The following CALD1 variants were observed in gnomAD, a reference collection of about 807,000 sequenced individuals.
The protein encoded by CALD1 is caldesmon.
In CALD1, 33 loss-of-function variants were observed where a neutral mutation model predicts 99.9. The observed-to-expected ratio is 0.33, with a 90% confidence interval of 0.25 to 0.44. The LOEUF (loss-of-function observed/expected upper bound fraction) is 0.44. CALD1 is among the 20% of genes least tolerant of loss of function. The pLI is 1.00. For synonymous variants in CALD1, 310 were observed against 325.0 expected (o/e 0.95, Z 0.50); for missense variants, 861 against 962.1 (o/e 0.89, Z 1.39).
At chr7:134,720,669 C>T in the CALD1 span, among the ~76,000 whole-genome samples, 2 of 152,086 alleles carry the variant, frequency 1.3e-5, no homozygotes, top group African/African-American at 2.4e-5. Context: ...GGAAAACAAA[C>T]GCTTAACATG....
chr7:134,875,828 G>T (rs2132387556), intron 3 of CALD1, among the ~76,000 whole-genome samples: 1 of 152,282 alleles, frequency 6.6e-6, no homozygotes, highest in South Asian at 2.1e-4. Flanking sequence ...TGTTTTGTTT[G>T]CCCTCAGAAA....
chr7:134,867,788 C>G lies in CALD1; in HGVS notation c.55C>G (p.Arg19Gly). The G allele has an allele frequency of 3.1e-6, 5 of 1,602,076 alleles. No homozygotes were observed. The highest frequency in any genetic ancestry group is 4.3e-6 in the Non-Finnish European group (5 of 1,170,888). The change falls in exon 3 of 15, where the codon CGA becomes GGA. Residue 19 changes from arginine (R) to glycine (G), a missense_variant. Physicochemically the swap from Arg to Gly is moderately radical, Grantham distance 125. Coordinates refer to ENST00000361675, the MANE Select transcript of CALD1 (RefSeq NM_033138.4). ...ELRRQKREEM[R>G]LEAERIAYQR... Reference sequence around the variant, plus strand: ...TAGAAGGCAAAAGAGGGAGGAGATGCGACTCGAAGCAGAAAGGTAAGGATC... The same window carrying G: ...TAGAAGGCAAAAGAGGGAGGAGATGGGACTCGAAGCAGAAAGGTAAGGATC...
intron 1 of CALD1, among the ~76,000 whole-genome samples, chr7:134,836,363 A>G (rs2132112035): frequency 6.6e-6 from 1 of 152,224 alleles, no homozygotes; most frequent in Middle Eastern, 3.4e-3. Context: ...ATACATAAAA[A>G]TTAAGTGCAC....
chr7:134,924,032 CATT>C (rs915867270), intron 3 of CALD1, among the ~76,000 whole-genome samples: 29 of 152,218 alleles, frequency 1.9e-4, no homozygotes, highest in African/African-American at 6.7e-4. Flanking sequence ...TCCATGTAAT[CATT>C]ATGTATGTGT....
intron 3 of CALD1, among the ~76,000 whole-genome samples, chr7:134,878,398 T>G (rs1438069398): frequency 6.6e-6 from 1 of 151,462 alleles, no homozygotes; most frequent in African/African-American, 2.4e-5. Context: ...GTGAAACCTC[T>G]TCTCTACTAA....
the CALD1 span, among the ~76,000 whole-genome samples, chr7:134,729,962 C>T: frequency 1.3e-5 from 2 of 152,110 alleles, no homozygotes; most frequent in Non-Finnish European, 2.9e-5. Flanking sequence ...TCTGTGGACC[C>T]GGAGCCCCAG....
chr7:134,805,306 T>G, intron 1 of CALD1, among the ~76,000 whole-genome samples: 1 of 152,348 alleles, frequency 6.6e-6, no homozygotes, highest in Middle Eastern at 3.4e-3. Flanking sequence ...TGTATTTTCT[T>G]AACTATATTC....
chr7:134,806,830 T>G (rs1174157552), intron 1 of CALD1, among the ~76,000 whole-genome samples: 1 of 152,160 alleles, frequency 6.6e-6, no homozygotes, highest in African/African-American at 2.4e-5. Context: ...TGTAACATGG[T>G]GGTCAAAGGA....
At chr7:134,785,749 C>A (rs1246039180) in intron 1 of CALD1, among the ~76,000 whole-genome samples, 2 of 152,122 alleles carry the variant, frequency 1.3e-5, no homozygotes, top group Non-Finnish European at 2.9e-5. Context: ...ATATGCTGAA[C>A]CGATAAGGGA....
intron 11 of CALD1, 145 bp downstream of exon 11, chr7:134,958,435 G>C: frequency 4.7e-6 from 3 of 644,836 alleles, no homozygotes; most frequent in Non-Finnish European, 7.9e-6. Context: ...TTTTGAGACG[G>C]AGTCTCACTC....
the CALD1 span, among the ~76,000 whole-genome samples, chr7:134,733,115 G>A: frequency 2.0e-5 from 3 of 152,258 alleles, no homozygotes; most frequent in Non-Finnish European, 4.4e-5. Context: ...AACCAAAGAA[G>A]AGAGGGGAAG....
chr7:134,711,678 ATATG>A, the CALD1 span, among the ~76,000 whole-genome samples: 233 of 54,824 alleles, frequency 4.2e-3, 1 homozygote, highest in Middle Eastern at 7.9e-3. Context: ...ATATATATAT[ATATG>A]TGTGTGTGTG....
At chr7:134,876,051 G>A (rs1266272933) in intron 3 of CALD1, among the ~76,000 whole-genome samples, 3 of 152,098 alleles carry the variant, frequency 2.0e-5, no homozygotes, top group Admixed American at 6.6e-5. Flanking sequence ...TCTTCCGCAG[G>A]GGAACATTAT....
intron 3 of CALD1, among the ~76,000 whole-genome samples, chr7:134,917,769 A>G (rs1804322781): frequency 6.6e-6 from 1 of 152,264 alleles, no homozygotes; most frequent in African/African-American, 2.4e-5. Flanking sequence ...TTTTTTAGCC[A>G]CATTTATACC....
At chr7:134,756,272 CA>C (rs36011477) in intron 1 of CALD1, among the ~76,000 whole-genome samples, 47 of 76,864 alleles carry the variant, frequency 6.1e-4, no homozygotes, top group Admixed American at 9.3e-4. Context: ...GACTTTGTCT[CA>C]AAAAAAAAAA....
the CALD1 span, among the ~76,000 whole-genome samples, chr7:134,732,687 C>T: frequency 6.6e-6 from 1 of 152,220 alleles, no homozygotes; most frequent in Non-Finnish European, 1.5e-5. Context: ...GGTTCTCTAC[C>T]TCTGTCCCCA....
the CALD1 span, among the ~76,000 whole-genome samples, chr7:134,726,837 A>G: frequency 6.6e-6 from 1 of 152,156 alleles, no homozygotes; most frequent in Non-Finnish European, 1.5e-5. Flanking sequence ...CACAGCTAAA[A>G]TCTTGCTCCA....
intron 11 of CALD1, 33 bp downstream of exon 11, chr7:134,958,323 G>A (rs1335370809): frequency 6.6e-7 from 1 of 1,520,784 alleles, no homozygotes; most frequent in South Asian, 1.1e-5. Flanking sequence ...TGGTCCTGCT[G>A]AACAGAAATA....
At chr7:134,733,837 C>A in the CALD1 span, among the ~76,000 whole-genome samples, 16 of 148,506 alleles carry the variant, frequency 1.1e-4, no homozygotes, top group Admixed American at 7.4e-4. Context: ...CAAAAAAAAA[C>A]AAAATAGGTC....
Sources: gnomAD v4.1 joint callset for allele counts (sites outside exome capture counted in the v4.1 genomes callset) on GRCh38, gnomAD v4.1.1 for gene constraint, MANE v1.5 for transcripts, NCBI Gene and HGNC (gene_info 2026-07-23, HGNC 2026-07-21) for gene names.